Variants in TENM1 observed in about 807,000 individuals in gnomAD.
TENM1 encodes teneurin-1.
Under a neutral mutation model 174.8 loss-of-function variants are expected in TENM1, and 35 were observed. That is an observed-to-expected ratio of 0.20 (90% CI 0.15 to 0.27). The LOEUF (loss-of-function observed/expected upper bound fraction) is 0.27, where lower values mean the gene tolerates loss of function less well. Ranked by LOEUF, TENM1 falls within the 10% of genes least tolerant of loss-of-function variation. The pLI, the probability that TENM1 is intolerant of heterozygous loss-of-function variation, is 1.00. For missense variants in TENM1, 1,633 were observed against 2,130.1 expected (o/e 0.77, Z 4.59); for synonymous variants, 781 against 798.7 (o/e 0.98, Z 0.37).
At chrX:125,139,699 T>C in the TENM1 span, among the ~76,000 whole-genome samples, 1 of 110,383 alleles carries the variant, frequency 9.1e-6, no homozygotes, top group Non-Finnish European at 1.9e-5. Context: ...TTCAACCAAG[T>C]TCTTGTACAT....
At chrX:124,648,403 C>T (rs181149492) in intron 8 of TENM1, among the ~76,000 whole-genome samples, 3 of 111,886 alleles carry the variant, frequency 2.7e-5, no homozygotes, top group East Asian at 2.8e-4. Flanking sequence ...ATGCCTTTTG[C>T]GGGTTTATGC....
the TENM1 span, among the ~76,000 whole-genome samples, chrX:125,141,848 G>A: frequency 9.0e-6 from 1 of 110,637 alleles, no homozygotes; most frequent in Non-Finnish European, 1.9e-5. Flanking sequence ...TATAGCACAG[G>A]ACTGGAGAAA....
the TENM1 span, among the ~76,000 whole-genome samples, chrX:125,158,637 T>A: frequency 9.1e-6 from 1 of 110,314 alleles, no homozygotes; most frequent in Non-Finnish European, 1.9e-5. Context: ...TAGTACTAAC[T>A]AGATGCACAT....
Position 124,482,062 on chromosome X carries a change from G to T in TENM1, c.3717-98C>A. The T allele has an allele frequency of 6.2e-6, 3 of 484,472 alleles. No homozygotes were observed. In the Admixed American group the frequency reaches 1.0e-4, roughly 17 times the overall value. 39.9% of individuals were successfully genotyped at this position (484,472 alleles called of 1,213,427 possible). A position where few individuals can be genotyped will look rare whatever the true frequency, so the allele number is the denominator to read the frequency against. On this transcript the variant is annotated intron_variant, in intron 21 of 31. Transcript: ENST00000422452. ...CAAATGGAAAAATCTTTTGATAGATGAGTGAATTCATTTATCTTCCTTCTT... is the reference window on the plus strand; with the variant it reads ...CAAATGGAAAAATCTTTTGATAGATTAGTGAATTCATTTATCTTCCTTCTT...
intron 18 of TENM1, among the ~76,000 whole-genome samples, chrX:124,520,223 C>T (rs1327483939): frequency 9.0e-6 from 1 of 111,417 alleles, no homozygotes; most frequent in African/African-American, 3.3e-5. Flanking sequence ...AACGCCACAC[C>T]AAAGGTCACA....
chrX:124,646,901 T>C, intron 8 of TENM1, 91 bp from the exon 12 acceptor site: 1 of 618,899 alleles, frequency 1.6e-6, no homozygotes, highest in East Asian at 3.7e-5. Context: ...ACTCTGGACC[T>C]ATGACAATTT....
intron 1 of TENM1, among the ~76,000 whole-genome samples, chrX:124,931,836 A>AC (rs1871362526): frequency 9.2e-6 from 1 of 109,265 alleles, no homozygotes; most frequent in African/African-American, 3.3e-5. Context: ...TAAGGTAGAC[A>AC]GAGATTGTAA....
the TENM1 span, among the ~76,000 whole-genome samples, chrX:125,059,912 C>T: frequency 9.1e-6 from 1 of 109,803 alleles, no homozygotes; most frequent in Non-Finnish European, 1.9e-5. Context: ...ATATGATTAA[C>T]ATTTAAGTCA....
chrX:124,914,478 T>C (rs924610811), intron 1 of TENM1, among the ~76,000 whole-genome samples: 2 of 111,655 alleles, frequency 1.8e-5, no homozygotes, highest in African/African-American at 6.5e-5. Context: ...AGTACTGTTG[T>C]CCAGGTTGTA....
At chrX:124,397,754 T>C (rs1343880992) in intron 27 of TENM1, among the ~76,000 whole-genome samples, 1 of 109,059 alleles carries the variant, frequency 9.2e-6, no homozygotes, top group Non-Finnish European at 1.9e-5. Context: ...CCCGCCACCA[T>C]GCCCGGTTAA....
chrX:124,886,548 T>TATATATAG (rs1187597592), intron 3 of TENM1, among the ~76,000 whole-genome samples: 54 of 59,973 alleles, frequency 9.0e-4, no homozygotes, highest in Non-Finnish European at 1.5e-3. Context: ...TATATATATA[T>TATATATAG]AGAGAGAGAG....
the TENM1 span, among the ~76,000 whole-genome samples, chrX:125,043,058 A>C: frequency 9.1e-6 from 1 of 109,751 alleles, no homozygotes; most frequent in African/African-American, 3.3e-5. Flanking sequence ...AACCATAAAA[A>C]CCCTAGAAGA....
exon 18 of TENM1, chrX:124,520,573 G>A (rs1380431749): frequency 8.3e-7 from 1 of 1,209,434 alleles, no homozygotes; most frequent in Admixed American, 2.2e-5. Context: ...CTTGTTCCAA[G>A]CAAATGTGTA....
chrX:125,094,596 A>G, the TENM1 span, among the ~76,000 whole-genome samples: 1 of 112,068 alleles, frequency 8.9e-6, no homozygotes, highest in Non-Finnish European at 1.9e-5. Flanking sequence ...GCCTAGCAAG[A>G]GCAGTAGATC....
chrX:124,531,545 C>T (rs1386761638), intron 15 of TENM1, among the ~76,000 whole-genome samples: 1 of 112,147 alleles, frequency 8.9e-6, no homozygotes, highest in African/African-American at 3.2e-5. Context: ...GCAAAGTAAG[C>T]GAGTGTAATT....
At chrX:124,983,881 CA>C in the TENM1 span, among the ~76,000 whole-genome samples, 79 of 111,086 alleles carry the variant, frequency 7.1e-4, no homozygotes, top group African/African-American at 2.6e-3. Flanking sequence ...CTCCGCCTCC[CA>C]AAGATTACAA....
chrX:124,494,049 C>T (rs577535962), intron 20 of TENM1, among the ~76,000 whole-genome samples: 4 of 111,209 alleles, frequency 3.6e-5, no homozygotes, highest in Middle Eastern at 4.6e-3. Context: ...GAATAACACT[C>T]AGTATTAGAA....
intron 1 of TENM1, among the ~76,000 whole-genome samples, chrX:124,927,122 A>G (rs777749179): frequency 2.8e-4 from 31 of 112,167 alleles, no homozygotes; most frequent in Non-Finnish European, 5.5e-4. Flanking sequence ...TCTCACATCA[A>G]TCTTTTGGGG....
At chrX:125,035,471 G>C in the TENM1 span, among the ~76,000 whole-genome samples, 1 of 111,542 alleles carries the variant, frequency 9.0e-6, no homozygotes, top group East Asian at 2.8e-4. Flanking sequence ...ACCTAAATTT[G>C]GATCTTTGGT....
Sources: gnomAD v4.1 joint callset for allele counts (sites outside exome capture counted in the v4.1 genomes callset) on GRCh38, gnomAD v4.1.1 for gene constraint, MANE v1.5 for transcripts, NCBI Gene and HGNC (gene_info 2026-07-23, HGNC 2026-07-21) for gene names.